Variants in STAG1 observed in about 807,000 individuals in gnomAD.
The protein encoded by STAG1 is cohesin subunit SA-1.
A neutral mutation model predicts 170.9 loss-of-function variants in STAG1; 26 were observed. The ratio of observed to expected loss-of-function variants is 0.15; its 90% CI spans 0.11 to 0.21. STAG1 has a LOEUF of 0.21. Among genes scored for constraint, STAG1 ranks in the 10% least tolerant of loss-of-function variants. STAG1 has a pLI of 1.00. For missense variants in STAG1, 964 were observed against 1,509.5 expected, an observed-to-expected ratio of 0.64 and a Z score of 5.99; for synonymous variants, 514 against 497.7, an observed-to-expected ratio of 1.03 and a Z score of -0.44.
intron 6 of STAG1, among the ~76,000 whole-genome samples, chr3:136,526,724 CTGGTACTGGT>C (rs1301357568): frequency 3.9e-5 from 6 of 152,298 alleles, no homozygotes; most frequent in Middle Eastern, 3.4e-3. Flanking sequence ...TTTGCAGTGG[CTGGTACTGGT>C]TGTTCCTTTC....
intron 3 of STAG1, among the ~76,000 whole-genome samples, chr3:136,610,474 G>GA (rs1289542360): frequency 6.6e-6 from 1 of 152,136 alleles, no homozygotes; most frequent in Non-Finnish European, 1.5e-5. Flanking sequence ...AATGTGCTGT[G>GA]AAAGACTGAA....
chr3:136,466,811 G>A (rs974671894), intron 12 of STAG1, among the ~76,000 whole-genome samples: 3 of 152,246 alleles, frequency 2.0e-5, no homozygotes, highest in Admixed American at 1.3e-4. Context: ...TTTCTCAGCA[G>A]AAACTGAACA....
chr3:136,656,609 G>T (rs1007024167), intron 1 of STAG1, among the ~76,000 whole-genome samples: 1 of 139,972 alleles, frequency 7.1e-6, no homozygotes, highest in Non-Finnish European at 1.6e-5. Flanking sequence ...TGTGCTCTCT[G>T]TATTTATTTG....
chr3:136,486,272 T>C (rs1356697046), intron 9 of STAG1, among the ~76,000 whole-genome samples: 2 of 152,232 alleles, frequency 1.3e-5, no homozygotes, highest in Non-Finnish European at 2.9e-5. Context: ...TCAACATTAT[T>C]AGATATTTAA....
At chr3:136,533,037 A>G (rs192872387) in intron 6 of STAG1, among the ~76,000 whole-genome samples, 4 of 152,314 alleles carry the variant, frequency 2.6e-5, no homozygotes, top group Non-Finnish European at 5.9e-5. Context: ...CTACCAAAAA[A>G]TTCTTAGAGC....
At chr3:136,679,981 T>C (rs982771900) in intron 1 of STAG1, among the ~76,000 whole-genome samples, 8 of 152,086 alleles carry the variant, frequency 5.3e-5, no homozygotes, top group Admixed American at 3.9e-4. Context: ...GAACTAGAAA[T>C]AAAATATATT....
intron 5 of STAG1, among the ~76,000 whole-genome samples, chr3:136,559,161 C>CTATCTATA (rs1936741158): frequency 6.6e-6 from 1 of 151,244 alleles, no homozygotes; most frequent in South Asian, 2.1e-4. Context: ...ATCTATCTAT[C>CTATCTATA]TATATACGTA....
chr3:136,517,216 T>C (rs1012683051), intron 7 of STAG1, among the ~76,000 whole-genome samples: 5 of 152,164 alleles, frequency 3.3e-5, no homozygotes, highest in African/African-American at 1.2e-4. Context: ...CTTGACCACA[T>C]TTTCTAATTT....
chr3:136,549,931 C>T (rs1316112013), intron 5 of STAG1, among the ~76,000 whole-genome samples: 1 of 151,972 alleles, frequency 6.6e-6, no homozygotes, highest in Non-Finnish European at 1.5e-5. Flanking sequence ...CTGAGATGAC[C>T]AAGTGATTTT....
At chr3:136,600,769 C>G (rs1308307439) in intron 4 of STAG1, among the ~76,000 whole-genome samples, 1 of 152,002 alleles carries the variant, frequency 6.6e-6, no homozygotes, top group African/African-American at 2.4e-5. Context: ...TCCTGACCTT[C>G]TGATCTGCCC....
intron 1 of STAG1, among the ~76,000 whole-genome samples, chr3:136,665,328 G>T (rs1453594042): frequency 1.3e-5 from 2 of 152,138 alleles, no homozygotes; most frequent in African/African-American, 4.8e-5. Flanking sequence ...GCCAGAGGAA[G>T]GACTGTGGCT....
chr3:136,376,016 CAAAATAAAATAAAAT>C (rs71157376), intron 23 of STAG1, among the ~76,000 whole-genome samples: 2 of 115,542 alleles, frequency 1.7e-5, no homozygotes, highest in African/African-American at 5.7e-5. Context: ...AAATAATTAA[CAAAATAAAATAAAAT>C]AAAATAAAAT....
intron 1 of STAG1, among the ~76,000 whole-genome samples, chr3:136,749,467 G>A (rs1003945410): frequency 6.6e-6 from 1 of 152,172 alleles, no homozygotes; most frequent in African/African-American, 2.4e-5. Flanking sequence ...GACAACTCTG[G>A]CCGGGCACAG....
chr3:136,468,910 G>T (rs1227119257), intron 12 of STAG1, among the ~76,000 whole-genome samples: 1 of 152,114 alleles, frequency 6.6e-6, no homozygotes, highest in Non-Finnish European at 1.5e-5. Context: ...AATACATGCA[G>T]AAAAGGCCTT....
intron 4 of STAG1, among the ~76,000 whole-genome samples, chr3:136,569,306 G>A (rs1490596186): frequency 6.9e-6 from 1 of 145,198 alleles, no homozygotes; most frequent in Non-Finnish European, 1.5e-5. Context: ...TTAATATTAA[G>A]AAATCAAATA....
intron 32 of STAG1, among the ~76,000 whole-genome samples, chr3:136,339,874 C>A (rs534257544): frequency 1.3e-5 from 2 of 152,130 alleles, no homozygotes; most frequent in Non-Finnish European, 2.9e-5. Context: ...GTCCCATATT[C>A]GGCATTTTGT....
At chr3:136,744,951 T>C (rs1934862602) in intron 1 of STAG1, among the ~76,000 whole-genome samples, 1 of 152,234 alleles carries the variant, frequency 6.6e-6, no homozygotes, top group African/African-American at 2.4e-5. Flanking sequence ...GCTAGGATTA[T>C]AGGTGTGGGC....
intron 7 of STAG1, among the ~76,000 whole-genome samples, chr3:136,516,905 C>CAG (rs1335051071): frequency 6.6e-6 from 1 of 152,128 alleles, no homozygotes; most frequent in Non-Finnish European, 1.5e-5. Flanking sequence ...ACAGGCACGC[C>CAG]AGAACCCATT....
chr3:136,489,223 T>C (rs757813743), intron 9 of STAG1, among the ~76,000 whole-genome samples: 2 of 152,234 alleles, frequency 1.3e-5, no homozygotes, highest in East Asian at 1.9e-4. Flanking sequence ...AAAACTTATC[T>C]AATTATTGAT....
Sources: gnomAD v4.1 joint callset for allele counts (sites outside exome capture counted in the v4.1 genomes callset) on GRCh38, gnomAD v4.1.1 for gene constraint, MANE v1.5 for transcripts, NCBI Gene and HGNC (gene_info 2026-07-23, HGNC 2026-07-21) for gene names.